The following PCDH15 variants were observed in gnomAD, a reference collection of about 807,000 sequenced individuals.
PCDH15 encodes the protein protocadherin-15.
Under a neutral mutation model 178.5 loss-of-function variants are expected in PCDH15, and 129 were observed. That is an observed-to-expected ratio of 0.72 (90% CI 0.63 to 0.84). The LOEUF (loss-of-function observed/expected upper bound fraction) is 0.84, where lower values mean the gene tolerates loss of function less well. PCDH15 is among the 40% of genes least tolerant of loss of function. The probability of loss-of-function intolerance (pLI) is 0.00; values close to 1 mark genes in which losing one functional copy is unlikely to be tolerated. For missense variants in PCDH15, 2,230 were observed against 2,099.9 expected, an observed-to-expected ratio of 1.06 and a Z score of -1.21; for synonymous variants, 800 against 732.0, an observed-to-expected ratio of 1.09 and a Z score of -1.50.
At chr10:55,094,514 A>C (rs771170021) in intron 2 of PCDH15, among the ~76,000 whole-genome samples, 8 of 152,112 alleles carry the variant, frequency 5.3e-5, no homozygotes, top group Admixed American at 5.2e-4. Flanking sequence ...CATGTTATGC[A>C]CATGTACCCT....
intron 1 of PCDH15, among the ~76,000 whole-genome samples, chr10:55,254,651 A>C (rs1214000503): frequency 6.6e-6 from 1 of 152,194 alleles, no homozygotes; most frequent in East Asian, 1.9e-4. Flanking sequence ...TCTTACCTAC[A>C]AAAGGCAAAG....
At chr10:54,547,026 G>A (rs1360561666) in intron 2 of PCDH15, among the ~76,000 whole-genome samples, 1 of 152,112 alleles carries the variant, frequency 6.6e-6, no homozygotes, top group African/African-American at 2.4e-5. Flanking sequence ...CAGATCAAAG[G>A]CAAATACAAA....
intron 2 of PCDH15, among the ~76,000 whole-genome samples, chr10:55,462,998 T>C (rs1839712406): frequency 6.6e-6 from 1 of 151,624 alleles, no homozygotes; most frequent in Non-Finnish European, 1.5e-5. Context: ...GTGCACACTG[T>C]ACATCAGCCA....
At chr10:53,807,405 C>CTGAT (rs1426918410) in intron 37 of PCDH15, among the ~76,000 whole-genome samples, 1 of 152,092 alleles carries the variant, frequency 6.6e-6, no homozygotes, top group East Asian at 1.9e-4. Context: ...GATCAAATTA[C>CTGAT]TGATCCACAT....
intron 8 of PCDH15, among the ~76,000 whole-genome samples, chr10:54,239,432 T>TAGAGAGAGAGAGAGAGAGAGAGAGAG (rs370848123): frequency 5.5e-4 from 83 of 150,632 alleles, no homozygotes; most frequent in African/African-American, 1.6e-3. Flanking sequence ...TATATATATA[T>TAGAGAGAGAGAGAGAGAGAGAGAGAG]AGAGTAAGAA....
At chr10:54,007,120 A>T (rs1346634710) in intron 20 of PCDH15, among the ~76,000 whole-genome samples, 2 of 152,198 alleles carry the variant, frequency 1.3e-5, no homozygotes, top group Non-Finnish European at 2.9e-5. Context: ...TTCAGTTTTC[A>T]GTTTGCTGTA....
At chr10:55,467,024 T>C (rs970799237) in intron 2 of PCDH15, among the ~76,000 whole-genome samples, 1 of 152,176 alleles carries the variant, frequency 6.6e-6, no homozygotes, top group African/African-American at 2.4e-5. Context: ...ATATTTCACA[T>C]CACCCTTGTT....
At chr10:54,121,048 A>G (rs1387667576) in intron 15 of PCDH15, among the ~76,000 whole-genome samples, 6 of 133,266 alleles carry the variant, frequency 4.5e-5, no homozygotes, top group African/African-American at 1.6e-4. Context: ...GTCATAAAGC[A>G]AGTCTCAGCA....
At chr10:54,943,096 C>A (rs1838104120) in intron 2 of PCDH15, among the ~76,000 whole-genome samples, 1 of 151,942 alleles carries the variant, frequency 6.6e-6, no homozygotes, top group Non-Finnish European at 1.5e-5. Flanking sequence ...TTTAAAACAT[C>A]ATTTATTTAT....
At chr10:54,283,604 A>G (rs1271301880) in intron 8 of PCDH15, among the ~76,000 whole-genome samples, 2 of 152,278 alleles carry the variant, frequency 1.3e-5, no homozygotes, top group South Asian at 2.1e-4. Context: ...TATTTATTAC[A>G]ATAAGCAAAA....
At chr10:54,839,692 GATC>G (rs1953382951) in intron 3 of PCDH15, among the ~76,000 whole-genome samples, 1 of 152,024 alleles carries the variant, frequency 6.6e-6, no homozygotes, top group Non-Finnish European at 1.5e-5. Flanking sequence ...ACCCAAGAAA[GATC>G]ATCAAGAGAC....
At chr10:54,747,781 A>T (rs577482840) in intron 1 of PCDH15, among the ~76,000 whole-genome samples, 2 of 152,112 alleles carry the variant, frequency 1.3e-5, no homozygotes, top group South Asian at 4.1e-4. Context: ...TATTATTTTT[A>T]AAAATAAAAT....
intron 3 of PCDH15, among the ~76,000 whole-genome samples, chr10:54,881,989 T>G (rs1954272077): frequency 1.3e-5 from 2 of 152,144 alleles, no homozygotes; most frequent in African/African-American, 4.8e-5. Flanking sequence ...AGGGCAAATT[T>G]CTTTTCTGTT....
At chr10:55,362,194 A>C (rs1352136685) in intron 2 of PCDH15, among the ~76,000 whole-genome samples, 1 of 152,108 alleles carries the variant, frequency 6.6e-6, no homozygotes, top group Non-Finnish European at 1.5e-5. Context: ...CAACCCATAA[A>C]ATTAAGCACT....
intron 10 of PCDH15, among the ~76,000 whole-genome samples, chr10:54,200,381 A>T (rs1024504246): frequency 1.4e-5 from 2 of 146,774 alleles, no homozygotes; most frequent in Non-Finnish European, 3.0e-5. Flanking sequence ...CCCATCAACC[A>T]GTCATCTACA....
intron 10 of PCDH15, among the ~76,000 whole-genome samples, chr10:54,209,493 C>T (rs1344459028): frequency 6.6e-6 from 1 of 151,920 alleles, no homozygotes; most frequent in Non-Finnish European, 1.5e-5. Flanking sequence ...GAGAAGAGAC[C>T]TTTGAGGAAG....
chr10:54,389,933 A>T (rs571285666), intron 3 of PCDH15, among the ~76,000 whole-genome samples: 94 of 152,164 alleles, frequency 6.2e-4, no homozygotes, highest in Non-Finnish European at 1.2e-3. Flanking sequence ...ACAGAGTGAG[A>T]CTCCGTCTTA....
At chr10:54,553,810 TA>T (rs67736066) in intron 2 of PCDH15, among the ~76,000 whole-genome samples, 24 of 150,254 alleles carry the variant, frequency 1.6e-4, no homozygotes, top group Middle Eastern at 3.4e-3. Flanking sequence ...AGGCTGGGAT[TA>T]AAAAAAAAAT....
intron 3 of PCDH15, among the ~76,000 whole-genome samples, chr10:54,822,412 T>G (rs55930297): frequency 0.085 from 12,997 of 152,178 alleles, 636 homozygotes; most frequent in South Asian, 0.14. Flanking sequence ...TCTCGCTTAT[T>G]TCACTTAGCA....
Sources: allele counts gnomAD v4.1 joint callset (sites outside exome capture counted in the v4.1 genomes callset), GRCh38; gene constraint gnomAD v4.1.1; transcripts MANE v1.5; gene names NCBI Gene and HGNC (gene_info 2026-07-23, HGNC 2026-07-21).